The following PRKCH variants were observed in gnomAD, a reference collection of about 807,000 sequenced individuals.
PRKCH encodes protein kinase C eta.
In PRKCH, 28 loss-of-function variants were observed where a neutral mutation model predicts 82.5. The ratio of observed to expected loss-of-function variants is 0.34; its 90% CI spans 0.25 to 0.47. PRKCH has a LOEUF of 0.47. Among genes scored for constraint, PRKCH ranks in the 20% least tolerant of loss-of-function variants. The pLI, the probability that PRKCH is intolerant of heterozygous loss-of-function variation, is 1.00. For missense variants in PRKCH, 705 were observed against 881.8 expected (o/e 0.80, Z 2.54); for synonymous variants, 322 against 327.4 (o/e 0.98, Z 0.18).
chr14:61,214,585 A>G (rs1240718786), intron 1 of PRKCH, among the ~76,000 whole-genome samples: 1 of 152,062 alleles, frequency 6.6e-6, no homozygotes, highest in African/African-American at 2.4e-5. Flanking sequence ...GGAATCTAAG[A>G]TCTTGGTGTC....
At chr14:61,472,080 A>G (rs1594743358) in intron 9 of PRKCH, among the ~76,000 whole-genome samples, 1 of 152,246 alleles carries the variant, frequency 6.6e-6, no homozygotes, top group South Asian at 2.1e-4. Flanking sequence ...GGAGCCCCTG[A>G]GCTCGGGGGA....
intron 1 of PRKCH, among the ~76,000 whole-genome samples, chr14:61,387,875 T>C (rs1416608911): frequency 6.6e-6 from 1 of 152,180 alleles, no homozygotes. Context: ...CCGCTGGGTG[T>C]GGTGGCTCAT....
At chr14:61,318,509 G>T (rs934080940), upstream of PRKCH, among the ~76,000 whole-genome samples, 1 of 151,122 alleles carries the variant, frequency 6.6e-6, no homozygotes, top group African/African-American at 2.4e-5. Flanking sequence ...CTTGTCTCAT[G>T]CCGTTTCTTA....
intron 9 of PRKCH, among the ~76,000 whole-genome samples, chr14:61,462,229 A>C (rs1190505322): frequency 6.6e-6 from 1 of 152,144 alleles, no homozygotes; most frequent in African/African-American, 2.4e-5. Context: ...CCGTCTACTA[A>C]AAATACAAAA....
chr14:61,519,499 G>A (rs569566465), intron 10 of PRKCH, among the ~76,000 whole-genome samples: 23 of 152,224 alleles, frequency 1.5e-4, no homozygotes, highest in South Asian at 4.1e-4. Flanking sequence ...AGGTATGAGG[G>A]GGTAGTGGGG....
chr14:61,295,815 G>A (rs928339106), intron 1 of PRKCH, among the ~76,000 whole-genome samples: 5 of 151,268 alleles, frequency 3.3e-5, no homozygotes, highest in African/African-American at 9.7e-5. Flanking sequence ...TGTTTCGAAT[G>A]CTCTCTGCAT....
chr14:61,483,929 T>G lies in PRKCH; in HGVS notation c.1279-1573T>G, dbSNP rs1054286993. On this transcript the variant is annotated intron_variant, in intron 9 of 13. Coordinates refer to ENST00000332981, the MANE Select transcript of PRKCH (RefSeq NM_006255.5). ...GGTGGCGCACGCCTGTAGTCCCAAC[T>G]ACTCCAGAGGCTGAGGTAGGAGGAT... 5.3e-5 allele frequency among the ~76,000 whole-genome samples: 8 copies of G among 152,256 alleles called. No individual in the cohort carries two copies. The East Asian group carries it at 1.5e-3, about 29-fold the overall frequency.
At chr14:61,543,483 C>T (rs2043213662) in intron 12 of PRKCH, 1 of 152,210 alleles carries the variant, frequency 6.6e-6, no homozygotes, top group African/African-American at 2.4e-5. Flanking sequence ...AGATTTTCCA[C>T]CCTGGTCCCC....
At chr14:61,378,459 G>A (rs898967732) in intron 1 of PRKCH, among the ~76,000 whole-genome samples, 2 of 151,880 alleles carry the variant, frequency 1.3e-5, no homozygotes, top group Admixed American at 6.6e-5. Context: ...TCCTATCTTG[G>A]CCTCCCAAAA....
chr14:61,396,771 G>A (rs907186061), intron 2 of PRKCH, among the ~76,000 whole-genome samples: 16 of 152,298 alleles, frequency 1.1e-4, no homozygotes, highest in African/African-American at 3.6e-4. Context: ...TAGGGGGTGT[G>A]GAGGTGCTGA....
chr14:61,549,692 GAGA>G lies in PRKCH; in HGVS notation c.1917_1919del (p.Glu639del). ...CCCTTTTTTTTTTGGCAGAAATCCC[GAGA>G]AGATGTCAGTAATTTTGACCCTGAC... On this transcript the variant is annotated inframe_deletion, in exon 14 of 14. Transcript: ENST00000332981. The G allele has an allele frequency of 1.2e-6, 2 of 1,608,826 alleles. No individual in the cohort carries two copies. Among genetic ancestry groups the G allele is most frequent in the Non-Finnish European group, 1.7e-6 (2 of 1,178,912 alleles).
At chr14:61,535,210 C>T (rs2043091407) in intron 12 of PRKCH, among the ~76,000 whole-genome samples, 1 of 152,104 alleles carries the variant, frequency 6.6e-6, no homozygotes, top group South Asian at 2.1e-4. Flanking sequence ...TACTCAGGTT[C>T]TGTGCGAGGT....
At chr14:61,249,525 A>AC (rs1163659212) in intron 1 of PRKCH, among the ~76,000 whole-genome samples, 1 of 151,134 alleles carries the variant, frequency 6.6e-6, no homozygotes, top group Non-Finnish European at 1.5e-5. Context: ...AGCTTTCCAA[A>AC]AAAAAAAAAA....
chr14:61,194,906 G>A (rs1483181659), intron 1 of PRKCH, among the ~76,000 whole-genome samples: 1 of 152,032 alleles, frequency 6.6e-6, no homozygotes, highest in Admixed American at 6.6e-5. Flanking sequence ...GATAATTTTT[G>A]TATTTCTAGT....
In PRKCH at chr14:61,537,289, A is replaced by G. The variant is rs79746644; in HGVS notation, c.1761+6694A>G. 1.0e-3 allele frequency among the ~76,000 whole-genome samples: 159 copies of G among 152,370 alleles called. 1 individual carries two copies. The highest frequency in any genetic ancestry group is 3.6e-3 in the African/African-American group (151 of 41,598). ...CCTCAGAAATTAACACAAAAAAGGC[A>G]TATGACGATGACACACACATTTGTG... is the stretch of plus-strand genomic sequence containing the variant. On this transcript the variant is annotated intron_variant, in intron 12 of 13. Coordinates refer to ENST00000332981, the MANE Select transcript of PRKCH (RefSeq NM_006255.5).
At chr14:61,540,609 A>G (rs1594798165) in intron 12 of PRKCH, among the ~76,000 whole-genome samples, 1 of 152,252 alleles carries the variant, frequency 6.6e-6, no homozygotes, top group African/African-American at 2.4e-5. Flanking sequence ...CTTAATGCCT[A>G]TGCAACAAAG....
At chr14:61,532,332 C>A (rs1275491905) in intron 12 of PRKCH, among the ~76,000 whole-genome samples, 3 of 152,184 alleles carry the variant, frequency 2.0e-5, no homozygotes, top group Non-Finnish European at 4.4e-5. Flanking sequence ...AAAAGTCAGT[C>A]TATGCCTCAA....
At chr14:61,548,189 A>G (rs769801451) in intron 13 of PRKCH, among the ~76,000 whole-genome samples, 4 of 152,246 alleles carry the variant, frequency 2.6e-5, no homozygotes, top group Non-Finnish European at 5.9e-5. Flanking sequence ...GGTTTCCCCA[A>G]AAGAGTTTGG....
chr14:61,204,578 G>A (rs1248685278), intron 1 of PRKCH, among the ~76,000 whole-genome samples: 1 of 151,882 alleles, frequency 6.6e-6, no homozygotes, highest in Non-Finnish European at 1.5e-5. Flanking sequence ...AATATAGGGA[G>A]ACCACATCTC....
Sources: allele counts gnomAD v4.1 joint callset (sites outside exome capture counted in the v4.1 genomes callset), GRCh38; gene constraint gnomAD v4.1.1; transcripts MANE v1.5; gene names NCBI Gene and HGNC (gene_info 2026-07-23, HGNC 2026-07-21).